Variants in FRRS1 observed in about 807,000 individuals in gnomAD.
FRRS1 encodes the protein ferric chelate reductase 1.
Under a neutral mutation model 70.7 loss-of-function variants are expected in FRRS1, and 51 were observed. The observed-to-expected ratio is 0.72, with a 90% CI of 0.58 to 0.91. The LOEUF is 0.91. Among genes scored for constraint, FRRS1 ranks in the 40% least tolerant of loss-of-function variants. The probability of loss-of-function intolerance (pLI) is 0.00; values close to 1 mark genes in which losing one functional copy is unlikely to be tolerated. For missense variants in FRRS1, 672 were observed against 726.0 expected (o/e 0.93, Z 0.86); for synonymous variants, 225 against 238.7 (o/e 0.94, Z 0.53).
rs1396046462 is a variant in FRRS1 at position 99,708,620 on chromosome 1, AAAAAAATATATATATAT to A, written c.*391_*407del. On this transcript the variant is annotated 3_prime_UTR_variant, in exon 17 of 17. Transcript: ENST00000646001. ...CTCAAAAAAAAAAAAAAAAAAAAAAAAAAAAATATATATATATATATATATATATATATATATATATA... is the reference window on the plus strand; with the variant it reads ...CTCAAAAAAAAAAAAAAAAAAAAAAAATATATATATATATATATATATATA... 2 of 80,440 alleles carry A rather than the reference AAAAAAATATATATATAT, an allele frequency of 2.5e-5. No homozygotes were observed. The highest frequency in any genetic ancestry group is 1.3e-4 in the African/African-American group (2 of 14,906). The allele number at this position is 80,440 out of a possible 1,614,324, so 5.0% of individuals were successfully genotyped here. A position where few individuals can be genotyped will look rare whatever the true frequency, so the allele number is the denominator to read the frequency against.
chr1:99,713,733 T>C (rs1281180465), intron 12 of FRRS1, among the ~76,000 whole-genome samples: 3 of 152,202 alleles, frequency 2.0e-5, no homozygotes, highest in Admixed American at 1.3e-4. Context: ...TTAAATCTGT[T>C]CTGAACATAT....
chr1:99,716,698 A>AT (rs1654548635), intron 11 of FRRS1, among the ~76,000 whole-genome samples: 2 of 152,276 alleles, frequency 1.3e-5, no homozygotes, highest in East Asian at 1.9e-4. Flanking sequence ...AACAAGCAGT[A>AT]TTTTTTTCTA....
At chr1:99,716,686 C>T (rs1322230472) in intron 11 of FRRS1, among the ~76,000 whole-genome samples, 9 of 152,106 alleles carry the variant, frequency 5.9e-5, no homozygotes, top group South Asian at 2.1e-4. Flanking sequence ...CAAAACTGTT[C>T]GAACAAGCAG....
intron 14 of FRRS1, among the ~76,000 whole-genome samples, chr1:99,711,873 T>C (rs1381242763): frequency 6.6e-6 from 1 of 152,230 alleles, no homozygotes; most frequent in Non-Finnish European, 1.5e-5. Flanking sequence ...AATAAGTCTT[T>C]AAATGAGAGT....
chr1:99,742,135 TG>T, intron 5 of FRRS1, 43 bp downstream of exon 5: 1 of 1,234,622 alleles, frequency 8.1e-7, no homozygotes, highest in Non-Finnish European at 1.2e-6. Flanking sequence ...ATTATAGGCA[TG>T]AGCCACCATG....
chr1:99,738,633 T>C (rs1260766433), intron 6 of FRRS1, among the ~76,000 whole-genome samples: 1 of 152,208 alleles, frequency 6.6e-6, no homozygotes, highest in Non-Finnish European at 1.5e-5. Flanking sequence ...AATATTTCAG[T>C]CCCTAAGACT....
At chr1:99,757,327 G>T (rs1656888291) in intron 1 of FRRS1, among the ~76,000 whole-genome samples, 1 of 152,000 alleles carries the variant, frequency 6.6e-6, no homozygotes, top group South Asian at 2.1e-4. Context: ...TTTATGGCAT[G>T]CATGGACCAT....
rs1654322208 is a variant in FRRS1 at position 99,712,596 on chromosome 1, T to C, written c.1324-81A>G. ...TCAAGTTAAAAATAATACACACAGA[T>C]GTATTCTTAGTATTTTTCCATGGCT... On this transcript the variant is annotated intron_variant, in intron 12 of 16. Coordinates refer to ENST00000646001, the MANE Select transcript of FRRS1 (RefSeq NM_001361041.2). The C allele has an allele frequency of 4.3e-6, 3 of 698,958 alleles. No homozygotes were observed. The South Asian group carries it at 6.1e-5, about 14-fold the overall frequency. 43.3% of individuals were successfully genotyped at this position (698,958 alleles called of 1,614,324 possible).
At chr1:99,753,949 G>A (rs1410251958) in intron 1 of FRRS1, among the ~76,000 whole-genome samples, 1 of 152,148 alleles carries the variant, frequency 6.6e-6, no homozygotes, top group Non-Finnish European at 1.5e-5. Flanking sequence ...CATAGAGAAA[G>A]ATATACTACA....
chr1:99,738,088 T>G lies in FRRS1; in HGVS notation c.757A>C (p.Met253Leu). ...TTATGTAAGTGAGAGGTACCAACCA[T>G]CCACTGATCATGAGACAATGCAAAG... ...LSFALSHDQWMGDDDAYLCIH... is the reference protein window; with the variant it reads ...LSFALSHDQWLGDDDAYLCIH... Residue 253 changes from methionine (M) to leucine (L), a missense_variant and splice_region_variant, in exon 7 of 17, where the codon ATG becomes CTG. Transcript: ENST00000646001. 6.2e-7 allele frequency: 1 copy of G among 1,608,958 alleles called. No homozygotes were observed. Among genetic ancestry groups the G allele is most frequent in the Non-Finnish European group, 8.5e-7 (1 of 1,176,678 alleles).
At chr1:99,728,427 A>G (rs962327433) in intron 9 of FRRS1, 66 bp downstream of exon 9, 2 of 1,370,146 alleles carry the variant, frequency 1.5e-6, no homozygotes, top group Non-Finnish European at 2.0e-6. Flanking sequence ...TTTTCCAAAA[A>G]TGGGGGAAAG....
chr1:99,766,354 C>CTTA (rs1657351320), intron 1 of FRRS1, among the ~76,000 whole-genome samples: 1 of 152,090 alleles, frequency 6.6e-6, no homozygotes, highest in African/African-American at 2.4e-5. Context: ...CACGTCTCTA[C>CTTA]TTATAACCAC....
intron 1 of FRRS1, among the ~76,000 whole-genome samples, chr1:99,750,292 G>A (rs1203993677): frequency 6.6e-6 from 1 of 152,100 alleles, no homozygotes; most frequent in Non-Finnish European, 1.5e-5. Flanking sequence ...CATTATTAAA[G>A]GCCTATTTAC....
chr1:99,749,434 G>A lies in FRRS1; in HGVS notation c.-105-433C>T, dbSNP rs548713520. On this transcript the variant is annotated intron_variant, in intron 1 of 16. Transcript: ENST00000646001. ...GGAAATAATAAACTAGTCAATAAAAGCAAAAGGTTTTACTCCACGTCATCC... is the reference window on the plus strand; with the variant it reads ...GGAAATAATAAACTAGTCAATAAAAACAAAAGGTTTTACTCCACGTCATCC... 2.3e-3 allele frequency among the ~76,000 whole-genome samples: 349 copies of A among 152,216 alleles called. 6 individuals are homozygous for A. The highest frequency in any genetic ancestry group is 5.3e-3 in the Admixed American group (81 of 15,292).
Position 99,707,973 on chromosome 1 carries a change from G to A in FRRS1, c.*1055C>T, listed in dbSNP as rs4581296. On this transcript the variant is annotated 3_prime_UTR_variant, in exon 17 of 17. Transcript: ENST00000646001. Reference sequence around the variant, plus strand: ...TCCAAGTGTATAATCCCCAAATGCTGTAAGGACTTAAATTTTATAGCCAAA... The same window carrying A: ...TCCAAGTGTATAATCCCCAAATGCTATAAGGACTTAAATTTTATAGCCAAA... 0.13 allele frequency among the ~76,000 whole-genome samples: 20,035 copies of A among 152,148 alleles called. 2,823 individuals carry two copies. Among genetic ancestry groups the A allele is most frequent in the African/African-American group, 0.36 (14,732 of 41,438 alleles).
chr1:99,712,125 GT>G lies in FRRS1; in HGVS notation c.1459del (p.Thr487GlnfsTer5). The G allele has an allele frequency of 6.2e-7, 1 of 1,609,734 alleles. No individual in the cohort carries two copies. Among genetic ancestry groups the G allele is most frequent in the Non-Finnish European group, 8.5e-7 (1 of 1,176,686 alleles). On this transcript the variant is annotated frameshift_variant, in exon 14 of 17. Transcript: ENST00000646001. LOFTEE classifies it high-confidence loss of function. The part of the protein sequence containing the change: ...MFNWTHWSMG[T>X]AARIIAVAAM... ...CTTACCTGCTATTATTCTAGCAGCT[GT>G]TCCCATACTCCAATGAGTCCAGTTA...
intron 12 of FRRS1, among the ~76,000 whole-genome samples, chr1:99,714,503 T>A (rs1391502518): frequency 6.6e-6 from 1 of 152,062 alleles, no homozygotes; most frequent in Non-Finnish European, 1.5e-5. Context: ...TAAAAAAAAA[T>A]AACTGTCTTC....
At chr1:99,760,635 A>G (rs1657069297) in intron 1 of FRRS1, among the ~76,000 whole-genome samples, 1 of 152,196 alleles carries the variant, frequency 6.6e-6, no homozygotes, top group Non-Finnish European at 1.5e-5. Flanking sequence ...AGATCTGACA[A>G]CTTAAGATGG....
intron 1 of FRRS1, among the ~76,000 whole-genome samples, chr1:99,752,415 G>A (rs780739427): frequency 6.6e-6 from 1 of 152,148 alleles, no homozygotes; most frequent in African/African-American, 2.4e-5. Flanking sequence ...CAATATTGTT[G>A]TGCCTCAGGG....
Sources: allele counts gnomAD v4.1 joint callset (sites outside exome capture counted in the v4.1 genomes callset), GRCh38; gene constraint gnomAD v4.1.1; transcripts MANE v1.5; gene names NCBI Gene and HGNC (gene_info 2026-07-23, HGNC 2026-07-21).